RUFY1: variants seen among roughly 807,000 people sequenced by gnomAD.
The protein encoded by RUFY1 is RUN and FYVE domain containing 1, also known as RUN and FYVE domain-containing protein 1.
In RUFY1, 54 loss-of-function variants were observed where a neutral mutation model predicts 94.6. The observed-to-expected ratio is 0.57, with a 90% CI of 0.46 to 0.72. The LOEUF (loss-of-function observed/expected upper bound fraction) is 0.72, where lower values mean the gene tolerates loss of function less well. RUFY1 is among the 30% of genes least tolerant of loss of function. The pLI is 0.00. For missense variants in RUFY1, 883 were observed against 883.9 expected, an observed-to-expected ratio of 1.00 and a Z score of 0.01; for synonymous variants, 396 against 347.3, an observed-to-expected ratio of 1.14 and a Z score of -1.56.
chr5:179,598,260 A>G (rs1320179824), intron 13 of RUFY1: 2 of 165,856 alleles, frequency 1.2e-5, no homozygotes, highest in African/African-American at 4.8e-5. Flanking sequence ...CACCTTGGGA[A>G]GCTGTGGCGG....
rs758816442 is a variant in RUFY1 at position 179,585,859 on chromosome 5, A to G, written c.1020A>G (p.Gln340=). The change falls in exon 8 of 18, where the codon CAA becomes CAG. Residue 340 remains glutamine (Q), a synonymous_variant. Transcript: ENST00000319449. ...TGGAAAAGACTAACTCAAAGCTTCA[A>G]GAAGAGGTTTGTAAGTTTTATTGAA... ...DGLEKTNSKL[Q]EELSAATDRI... is the part of the protein sequence containing the mutation. 2.5e-6 allele frequency: 4 copies of G among 1,612,628 alleles called. No individual in the cohort carries two copies. Among genetic ancestry groups the G allele is most frequent in the South Asian group, 2.2e-5 (2 of 91,064 alleles).
At chr5:179,594,368 G>A (rs1765375184) in intron 11 of RUFY1, among the ~76,000 whole-genome samples, 1 of 151,348 alleles carries the variant, frequency 6.6e-6, no homozygotes. Flanking sequence ...ATCTTTCTGA[G>A]TCTTCCGGGC....
At chr5:179,598,883 T>C (rs1765983452) in intron 14 of RUFY1, 62 bp downstream of exon 14, 1 of 1,589,618 alleles carries the variant, frequency 6.3e-7, no homozygotes, top group Non-Finnish European at 8.6e-7. Flanking sequence ...CCTAACATGC[T>C]CCGGGCAGGC....
At chr5:179,606,167 C>CAAAATAGG in intron 16 of RUFY1, 1 of 567,514 alleles carries the variant, frequency 1.8e-6, no homozygotes, top group Non-Finnish European at 3.1e-6. Flanking sequence ...GCTGTGCTTT[C>CAAAATAGG]AAAATAGGCC....
chr5:179,557,315 A>G (rs1762159963), intron 1 of RUFY1, among the ~76,000 whole-genome samples: 1 of 152,188 alleles, frequency 6.6e-6, no homozygotes, highest in Non-Finnish European at 1.5e-5. Context: ...CTGTAATCCC[A>G]GCTACTGGGG....
chr5:179,565,164 CTTTTTTTT>C (rs138223106), intron 3 of RUFY1, among the ~76,000 whole-genome samples: 3 of 71,938 alleles, frequency 4.2e-5, no homozygotes, highest in South Asian at 7.0e-4. Context: ...TCTAGGTTTT[CTTTTTTTT>C]TTTTTTTTTT....
chr5:179,609,185 C>A (rs576201411), intron 17 of RUFY1, among the ~76,000 whole-genome samples, 191 bp from the exon 18 acceptor site: 59 of 132,726 alleles, frequency 4.4e-4, no homozygotes, highest in African/African-American at 1.6e-3. Context: ...GCAGCCCGGG[C>A]GACTGAGCAA....
At chr5:179,558,401 C>T (rs945371411) in intron 1 of RUFY1, among the ~76,000 whole-genome samples, 1 of 152,014 alleles carries the variant, frequency 6.6e-6, no homozygotes, top group African/African-American at 2.4e-5. Flanking sequence ...GGAGAAACCC[C>T]GTCTCTACTA....
chr5:179,591,761 T>C lies in RUFY1; in HGVS notation c.1245+20T>C, dbSNP rs1765125034. On this transcript the variant is annotated intron_variant, in intron 10 of 17. Coordinates refer to ENST00000319449, the MANE Select transcript of RUFY1 (RefSeq NM_025158.5). Reference sequence around the variant, plus strand: ...CGGTTGGTGAGTGTGCAAGACCGAGTGTCTTTAGAAAGAGTTTCCCCGTAG... The same window carrying C: ...CGGTTGGTGAGTGTGCAAGACCGAGCGTCTTTAGAAAGAGTTTCCCCGTAG... The C allele has an allele frequency of 6.4e-6, 9 of 1,410,426 alleles. No homozygotes were observed. The highest frequency in any genetic ancestry group is 8.9e-6 in the Non-Finnish European group (9 of 1,010,254). 87.4% of individuals were successfully genotyped at this position (1,410,426 alleles called of 1,614,324 possible).
chr5:179,608,329 C>T, intron 17 of RUFY1: 1 of 985,750 alleles, frequency 1.0e-6, no homozygotes, highest in Non-Finnish European at 1.2e-6. Context: ...CCCACCCGCT[C>T]CCCAACCCGA....
intron 11 of RUFY1, 149 bp downstream of exon 11, chr5:179,593,794 C>G: frequency 7.8e-7 from 1 of 1,282,488 alleles, no homozygotes; most frequent in Non-Finnish European, 1.0e-6. Flanking sequence ...TTTTGATCCT[C>G]ATGGCAGTCC....
At chr5:179,576,987 TAAG>T (rs1763661514) in intron 5 of RUFY1, 85 bp from the exon 6 acceptor site, 1 of 925,464 alleles carries the variant, frequency 1.1e-6, no homozygotes. Context: ...AGGAAAGAGA[TAAG>T]AATGAAATAC....
At chr5:179,578,213 GT>G (rs1234788031) in intron 6 of RUFY1, among the ~76,000 whole-genome samples, 1 of 152,000 alleles carries the variant, frequency 6.6e-6, no homozygotes, top group African/African-American at 2.4e-5. Context: ...TTGTTTGTTT[GT>G]TTTGTTTTGT....
intron 14 of RUFY1, among the ~76,000 whole-genome samples, chr5:179,600,258 G>A (rs563826954): frequency 3.3e-5 from 5 of 152,254 alleles, no homozygotes; most frequent in Admixed American, 6.5e-5. Flanking sequence ...CCCGCCACTC[G>A]GGCCCGAGCT....
chr5:179,604,498 G>C (rs1466072688), intron 15 of RUFY1, among the ~76,000 whole-genome samples: 1 of 152,168 alleles, frequency 6.6e-6, no homozygotes, highest in Non-Finnish European at 1.5e-5. Flanking sequence ...TGTTTCTGCA[G>C]CCGGACCAGG....
intron 7 of RUFY1, among the ~76,000 whole-genome samples, chr5:179,584,608 C>T (rs181490612): frequency 5.9e-5 from 9 of 151,950 alleles, no homozygotes; most frequent in Admixed American, 2.6e-4. Flanking sequence ...ATAGTGAAAC[C>T]TCACCTCTAC....
intron 10 of RUFY1, among the ~76,000 whole-genome samples, chr5:179,592,132 T>C (rs527469449): frequency 1.3e-5 from 2 of 151,984 alleles, no homozygotes; most frequent in Admixed American, 1.3e-4. Flanking sequence ...TTTGGTTTTT[T>C]TTTTGAGACG....
intron 7 of RUFY1, among the ~76,000 whole-genome samples, chr5:179,583,938 CGG>C (rs1468499730): frequency 6.6e-6 from 1 of 151,000 alleles, no homozygotes; most frequent in East Asian, 2.0e-4. Flanking sequence ...TTAGTAGAGA[CGG>C]GGTTTCACCG....
chr5:179,593,561 C>A lies in RUFY1; in HGVS notation c.1329C>A (p.His443Gln). The change falls in exon 11 of 18, where the codon CAC (histidine) becomes CAA (glutamine). Residue 443 changes from histidine to glutamine, a missense_variant. By Grantham distance (24) the His-to-Gln change is conservative. Coordinates refer to ENST00000319449, the MANE Select transcript of RUFY1 (RefSeq NM_025158.5). ...IAMKLLEKDT[H>Q]EKQDTLVALR... ...TGAAGTTACTGGAAAAGGACACCCACGAGAAGCAGGACACACTAGTTGCCC... is the reference window on the plus strand; with the variant it reads ...TGAAGTTACTGGAAAAGGACACCCAAGAGAAGCAGGACACACTAGTTGCCC... 2 of 1,614,096 alleles carry A rather than the reference C, an allele frequency of 1.2e-6. No individual in the cohort carries two copies. The highest frequency in any genetic ancestry group is 1.1e-5 in the South Asian group (1 of 91,086).
Sources: allele counts gnomAD v4.1 joint callset (sites outside exome capture counted in the v4.1 genomes callset), GRCh38; gene constraint gnomAD v4.1.1; transcripts MANE v1.5; gene names NCBI Gene and HGNC (gene_info 2026-07-23, HGNC 2026-07-21).